Variants in ITSN1 observed in about 807,000 individuals in gnomAD.
ITSN1 encodes intersectin-1.
A neutral mutation model predicts 239.8 loss-of-function variants in ITSN1; 58 were observed. The observed-to-expected ratio is 0.24, with a 90% CI of 0.20 to 0.30. The LOEUF is 0.30. Among genes scored for constraint, ITSN1 ranks in the 10% least tolerant of loss-of-function variants. The probability of loss-of-function intolerance (pLI) is 1.00; values close to 1 mark genes in which losing one functional copy is unlikely to be tolerated. For synonymous variants in ITSN1, 780 were observed against 770.8 expected, an observed-to-expected ratio of 1.01 and a Z score of -0.20; for missense variants, 1,558 against 2,103.3, an observed-to-expected ratio of 0.74 and a Z score of 5.07.
intron 24 of ITSN1, among the ~76,000 whole-genome samples, chr21:33,822,202 G>A (rs1400581143): frequency 6.6e-6 from 1 of 152,222 alleles, no homozygotes; most frequent in African/African-American, 2.4e-5. Flanking sequence ...GGCTGCCCAC[G>A]TGAGCACAAG....
At chr21:33,752,039 A>G in intron 7 of ITSN1, 133 bp downstream of exon 7, 2 of 627,714 alleles carry the variant, frequency 3.2e-6, no homozygotes, top group African/African-American at 1.9e-5. Flanking sequence ...GAGTGCTAAT[A>G]ATAATTTTCT....
At chr21:33,787,635 A>G (rs2070772553) in intron 16 of ITSN1, among the ~76,000 whole-genome samples, 1 of 152,198 alleles carries the variant, frequency 6.6e-6, no homozygotes, top group African/African-American at 2.4e-5. Flanking sequence ...ATGTTTAGCA[A>G]CCAGAGGAAA....
rs201949064 is a variant in ITSN1 at position 33,817,129 on chromosome 21, A to T, written c.2728-1138A>T. The T allele has an allele frequency of 3.7e-3, 4,459 of 1,190,398 alleles. 8 individuals are homozygous for T. The highest frequency in any genetic ancestry group is 4.2e-3 in the Non-Finnish European group (3,936 of 928,458). 73.7% of individuals were successfully genotyped at this position (1,190,398 alleles called of 1,614,324 possible). On this transcript the variant is annotated intron_variant, in intron 22 of 39. Coordinates refer to ENST00000381318, the MANE Select transcript of ITSN1 (RefSeq NM_003024.3). ...TTGTTCTTGTCCATTCATATATATG[A>T]TTGAAAGTTGGTGTTTCATTTTTTA...
At chr21:33,649,510 T>C (rs752526421) in intron 1 of ITSN1, among the ~76,000 whole-genome samples, 5 of 152,136 alleles carry the variant, frequency 3.3e-5, no homozygotes, top group Non-Finnish European at 5.9e-5. Flanking sequence ...GAGAGAACAT[T>C]GGTGAAATTG....
In ITSN1 at chr21:33,742,929, C is replaced by A; in HGVS notation, c.347-7214C>A. On this transcript the variant is annotated intron_variant, in intron 5 of 39. Transcript: ENST00000381318. ...AAGGAGAATAAAGGGAGAAATAACA[C>A]CCCTGTGGACAGTGAAAGCACACCA... is the stretch of plus-strand genomic sequence containing the variant. Among the ~76,000 whole-genome samples, 2 of 152,090 alleles carry A rather than the reference C, an allele frequency of 1.3e-5. 1 individual carries two copies. Among genetic ancestry groups the A allele is most frequent in the South Asian group, 4.1e-4 (2 of 4,824 alleles).
chr21:33,773,298 G>A (rs59350300), intron 12 of ITSN1, among the ~76,000 whole-genome samples: 3,383 of 151,892 alleles, frequency 0.022, 134 homozygotes, highest in African/African-American at 0.078. Flanking sequence ...ATGAGCCACC[G>A]CGCCTGGCCC....
At chr21:33,652,488 A>G (rs2088627562) in intron 1 of ITSN1, among the ~76,000 whole-genome samples, 1 of 152,082 alleles carries the variant, frequency 6.6e-6, no homozygotes, top group African/African-American at 2.4e-5. Flanking sequence ...ACATCGTCAT[A>G]TATGTAATCA....
chr21:33,739,320 T>C (rs981698060), intron 5 of ITSN1, among the ~76,000 whole-genome samples: 5 of 152,238 alleles, frequency 3.3e-5, no homozygotes, highest in Non-Finnish European at 5.9e-5. Flanking sequence ...ATAATTCTTT[T>C]GTTCTGGACC....
Position 33,751,976 on chromosome 21 carries a change from A to G in ITSN1, c.623+70A>G, listed in dbSNP as rs2067586884. On this transcript the variant is annotated intron_variant, in intron 7 of 39. Transcript: ENST00000381318. ...ACCTGATTAAATCATAAATTTGACCATGAATCATCTATATTCTTTTTGTTG... is the reference window on the plus strand; with the variant it reads ...ACCTGATTAAATCATAAATTTGACCGTGAATCATCTATATTCTTTTTGTTG... 4 of 991,546 alleles carry G rather than the reference A, an allele frequency of 4.0e-6. No homozygotes were observed. The South Asian group carries it at 4.0e-5, about 10-fold the overall frequency. 61.4% of individuals were successfully genotyped at this position (991,546 alleles called of 1,614,324 possible). A position where few individuals can be genotyped will look rare whatever the true frequency, so the allele number is the denominator to read the frequency against.
intron 1 of ITSN1, among the ~76,000 whole-genome samples, chr21:33,717,932 GAATA>G (rs1392643045): frequency 6.6e-6 from 1 of 152,168 alleles, no homozygotes; most frequent in Admixed American, 6.5e-5. Flanking sequence ...GGCTGTTGAT[GAATA>G]AATAATGCCT....
Position 33,710,916 on chromosome 21 carries a change from C to T in ITSN1, c.-32-7881C>T, listed in dbSNP as rs183127100. Among the ~76,000 whole-genome samples, 55 of 151,836 alleles carry T rather than the reference C, an allele frequency of 3.6e-4. 2 individuals are homozygous for T. In the East Asian group the frequency reaches 0.01, roughly 29 times the overall value. ...CGCCTCTTGGGTTCAAGTGATTCTC[C>T]TGCCTCAGCCTCCTGAGCAGCTGGG... On this transcript the variant is annotated intron_variant, in intron 1 of 39. Coordinates refer to ENST00000381318, the MANE Select transcript of ITSN1 (RefSeq NM_003024.3).
chr21:33,824,638 C>T (rs145603106), intron 25 of ITSN1, among the ~76,000 whole-genome samples: 22 of 152,282 alleles, frequency 1.4e-4, no homozygotes, highest in Non-Finnish European at 2.9e-4. Context: ...TGTGCGGCTC[C>T]GTGTACTCGG....
chr21:33,859,873 C>T (rs777225689), intron 31 of ITSN1, among the ~76,000 whole-genome samples: 22 of 152,108 alleles, frequency 1.4e-4, no homozygotes, highest in Non-Finnish European at 2.1e-4. Flanking sequence ...CTCCGTTGCC[C>T]GCGCCCCCTG....
intron 17 of ITSN1, among the ~76,000 whole-genome samples, chr21:33,796,810 A>T (rs2071601256): frequency 6.6e-6 from 1 of 152,230 alleles, no homozygotes; most frequent in African/African-American, 2.4e-5. Context: ...GTATTATGGA[A>T]TGAGAAAAAT....
intron 5 of ITSN1, among the ~76,000 whole-genome samples, chr21:33,737,759 A>G (rs556561580): frequency 2.4e-4 from 36 of 152,150 alleles, no homozygotes; most frequent in Non-Finnish European, 4.6e-4. Flanking sequence ...TTTTTAATAG[A>G]GACAGGGTTC....
chr21:33,821,397 T>G (rs1309232262), intron 24 of ITSN1, among the ~76,000 whole-genome samples: 2 of 152,260 alleles, frequency 1.3e-5, no homozygotes, highest in Non-Finnish European at 2.9e-5. Context: ...TTTACATATA[T>G]TAATGAGCCT....
intron 19 of ITSN1, among the ~76,000 whole-genome samples, chr21:33,802,068 C>T (rs1430911141): frequency 6.6e-6 from 1 of 152,024 alleles, no homozygotes; most frequent in African/African-American, 2.4e-5. Context: ...CAGTGAGGAC[C>T]TCATTACAAT....
chr21:33,779,569 G>C (rs1158190025), intron 14 of ITSN1, among the ~76,000 whole-genome samples: 2 of 152,122 alleles, frequency 1.3e-5, no homozygotes. Flanking sequence ...TTGATTCATG[G>C]TGGTCTTCAA....
Position 33,808,047 on chromosome 21 carries a change from C to T in ITSN1, c.2320-2928C>T, listed in dbSNP as rs572719629. Among the ~76,000 whole-genome samples, 5 of 151,990 alleles carry T rather than the reference C, an allele frequency of 3.3e-5. No homozygotes were observed. The South Asian group carries it at 6.2e-4, about 19-fold the overall frequency. On this transcript the variant is annotated intron_variant, in intron 20 of 39. Transcript: ENST00000381318. Reference sequence around the variant, plus strand: ...AAAAATACAAAAAAAATTAGCCGGGCGCGGTGGCGGGCGCCTGTAGTCCCA... The same window carrying T: ...AAAAATACAAAAAAAATTAGCCGGGTGCGGTGGCGGGCGCCTGTAGTCCCA...
Sources: allele counts gnomAD v4.1 joint callset (sites outside exome capture counted in the v4.1 genomes callset), GRCh38; gene constraint gnomAD v4.1.1; transcripts MANE v1.5; gene names NCBI Gene and HGNC (gene_info 2026-07-23, HGNC 2026-07-21).